The following DENND1C variants were observed in gnomAD, a reference collection of about 807,000 sequenced individuals.
The protein encoded by DENND1C is DENN domain containing 1C.
A neutral mutation model predicts 87.9 loss-of-function variants in DENND1C; 64 were observed. That is an observed-to-expected ratio of 0.73 (90% CI 0.60 to 0.90). DENND1C has a LOEUF of 0.90. Ranked by LOEUF, DENND1C falls within the 40% of genes least tolerant of loss-of-function variation. The pLI is 0.00. For missense variants in DENND1C, 980 were observed against 1,037.0 expected (o/e 0.95, Z 0.76); for synonymous variants, 384 against 424.4 (o/e 0.90, Z 1.17).
chr19:6,468,025 A>G lies in DENND1C; in HGVS notation c.1885T>C (p.Leu629=). 1 of 1,613,876 alleles carries G rather than the reference A, an allele frequency of 6.2e-7. No individual in the cohort carries two copies. The highest frequency in any genetic ancestry group is 1.7e-5 in the Admixed American group (1 of 60,006). The stretch of plus-strand genomic sequence containing the variant: ...TCCTTTGAAGAGCTGGTGGCATCCA[A>G]AGACGAGGCATTTTGCAGGGATGGC... The part of the protein sequence containing the change: ...SLPSLQNASS[L]DATSSSKDSR... Residue 629 remains leucine (L), a synonymous_variant, in exon 23 of 23, where the codon TTG becomes CTG. Transcript: ENST00000381480.
chr19:6,474,561 A>T (rs1224267408), intron 14 of DENND1C, among the ~76,000 whole-genome samples: 1 of 152,144 alleles, frequency 6.6e-6, no homozygotes, highest in East Asian at 1.9e-4. Context: ...ATGAGCATTA[A>T]ATGAGATAAT....
chr19:6,477,217 C>G lies in DENND1C; in HGVS notation c.513+1G>C, dbSNP rs1245448941. On this transcript the variant is annotated splice_donor_variant, in intron 8 of 22. Transcript: ENST00000381480. LOFTEE classifies it high-confidence loss of function. ...TTCCAGGGTCCCCGAGCCCCGCTCACCGGCTTGCTATTCCCCCGGGTAGGG... is the reference window on the plus strand; with the variant it reads ...TTCCAGGGTCCCCGAGCCCCGCTCAGCGGCTTGCTATTCCCCCGGGTAGGG... 8.2e-6 allele frequency: 13 copies of G among 1,587,240 alleles called. No individual in the cohort carries two copies. Among genetic ancestry groups the G allele is most frequent in the Non-Finnish European group, 8.6e-6 (10 of 1,167,032 alleles).
intron 14 of DENND1C, among the ~76,000 whole-genome samples, chr19:6,474,116 AC>A (rs1221631191): frequency 6.6e-6 from 1 of 151,274 alleles, no homozygotes; most frequent in East Asian, 1.9e-4. Context: ...AATTGCTTGA[AC>A]CCAGGAGGTG....
intron 15 of DENND1C, among the ~76,000 whole-genome samples, chr19:6,472,178 G>GC (rs1196365727): frequency 4.1e-5 from 5 of 120,524 alleles, no homozygotes; most frequent in Admixed American, 2.8e-4. Context: ...GTGCCACCCC[G>GC]CCCCCCCACC....
intron 14 of DENND1C, among the ~76,000 whole-genome samples, chr19:6,473,764 A>G (rs1361207836): frequency 8.7e-6 from 1 of 114,966 alleles, no homozygotes; most frequent in East Asian, 2.9e-4. Context: ...TGATTTAAGC[A>G]TTTATCTCGA....
intron 17 of DENND1C, 137 bp downstream of exon 17, chr19:6,471,128 T>G: frequency 8.2e-7 from 1 of 1,212,296 alleles, no homozygotes. Flanking sequence ...TTTTTTTCAG[T>G]AGAGATGGGG....
In DENND1C at chr19:6,469,602, C is replaced by T. The variant is rs776006623; in HGVS notation, c.1401G>A (p.Met467Ile). Residue 467 changes from methionine to isoleucine, a missense_variant, in exon 19 of 23, where the codon ATG becomes ATA. Met to Ile is a conservative substitution (Grantham distance 10). Transcript: ENST00000381480. ...SGLKGVQSLL[M>I]YKDGDSVLQR... The stretch of plus-strand genomic sequence containing the variant: ...CCCGGCCAGTTGATCTTACCTTATA[C>T]ATTAGAAGGCTCTGCACCCCCTTCA... 126 of 1,605,042 alleles carry T rather than the reference C, an allele frequency of 7.9e-5. No homozygotes were observed. The highest frequency in any genetic ancestry group is 1.0e-4 in the Non-Finnish European group (123 of 1,176,212).
chr19:6,479,801 C>G, intron 3 of DENND1C, 58 bp downstream of exon 3: 1 of 1,613,768 alleles, frequency 6.2e-7, no homozygotes, highest in South Asian at 1.1e-5. Flanking sequence ...GAAACCAAGT[C>G]CCCTCCCCCT....
In DENND1C at chr19:6,479,594, C is replaced by A. The variant is rs2092886336; in HGVS notation, c.176+75G>T. The A allele has an allele frequency of 2.1e-5, 34 of 1,585,628 alleles. 1 individual carries two copies. In the South Asian group the frequency reaches 3.8e-4, roughly 18 times the overall value. ...TGTATGGGTTTCCAGATGTCTGAGT[C>A]TCTAGGTGTTGAGTCCTTGGGGCCC... On this transcript the variant is annotated intron_variant, in intron 4 of 22. Transcript: ENST00000381480.
Position 6,471,260 on chromosome 19 carries a change from C to T in DENND1C, c.1290+5G>A, listed in dbSNP as rs370818415. The T allele has an allele frequency of 3.2e-6, 5 of 1,584,910 alleles. No individual in the cohort carries two copies. Among genetic ancestry groups the T allele is most frequent in the African/African-American group, 2.7e-5 (2 of 74,380 alleles). On this transcript the variant is annotated splice_donor_5th_base_variant and intron_variant, in intron 17 of 22. Transcript: ENST00000381480. ...GCCCACGGCCTATTGTTCTGGTGGT[C>T]TTACCTTTAGATTGTCGGCCCAGAG...
chr19:6,476,911 G>A lies in DENND1C; in HGVS notation c.624C>T (p.Phe208=), dbSNP rs750644992. The change falls in exon 10 of 23, where the codon TTC becomes TTT. Residue 208 remains phenylalanine, a synonymous_variant. Transcript: ENST00000381480. The stretch of plus-strand genomic sequence containing the variant: ...CTCTTCTCTCGGCCAGGAGCGCCGC[G>A]AACAGCCCCACGATGTTCTCGTCAG... ...AVTDENIVGL[F]AALLAERRVL... is the part of the protein sequence containing the mutation. The A allele has an allele frequency of 6.2e-7, 1 of 1,613,450 alleles. No individual in the cohort carries two copies. The highest frequency in any genetic ancestry group is 1.7e-5 in the Admixed American group (1 of 60,000).
intron 17 of DENND1C, among the ~76,000 whole-genome samples, chr19:6,470,709 C>A (rs1311128404): frequency 1.3e-5 from 2 of 149,072 alleles, no homozygotes; most frequent in African/African-American, 5.0e-5. Flanking sequence ...GCAACCTCCA[C>A]CTCCCTGGTT....
At chr19:6,479,740 G>C (rs1175387466) in intron 3 of DENND1C, 22 bp from the exon 4 acceptor site, 1 of 1,613,900 alleles carries the variant, frequency 6.2e-7, no homozygotes, top group South Asian at 1.1e-5. Context: ...GAAAAGCGCA[G>C]ACTGCTTGGC....
At chr19:6,481,540 G>C in intron 1 of DENND1C, 139 bp downstream of exon 1, 1 of 1,235,132 alleles carries the variant, frequency 8.1e-7, no homozygotes. Flanking sequence ...GGAGGCCCAT[G>C]GAGTATCTGA....
At position 6,477,451 on chromosome 19, in the gene DENND1C, T is replaced by G; in HGVS notation, c.374A>C (p.Glu125Ala). 6.3e-7 allele frequency: 1 copy of G among 1,598,864 alleles called. No individual in the cohort carries two copies. Among genetic ancestry groups the G allele is most frequent in the Non-Finnish European group, 8.5e-7 (1 of 1,172,858 alleles). ...GDLLAQDQVT[E>A]AEELLQNLFQ... ...CAGATTTTGAAGAAGTTCCTCTGCC[T>G]CGGTGACCTGGGTGGGACGTGGAGG... Residue 125 changes from glutamate (E) to alanine (A), a missense_variant, in exon 7 of 23, where the codon GAG becomes GCG. Physicochemically the swap from Glu to Ala is moderately radical, Grantham distance 107. Coordinates refer to ENST00000381480, the MANE Select transcript of DENND1C (RefSeq NM_024898.4).
In DENND1C at chr19:6,479,916, C is replaced by G. The variant is rs1165088492; in HGVS notation, c.83-14G>C. The G allele has an allele frequency of 6.3e-7, 1 of 1,599,176 alleles. No individual in the cohort carries two copies. The highest frequency in any genetic ancestry group is 2.3e-5 in the East Asian group (1 of 44,088). On this transcript the variant is annotated splice_polypyrimidine_tract_variant and intron_variant, in intron 2 of 22. Transcript: ENST00000381480. ...GGATGGGGGGATCTGTAGAAGAGAG[C>G]ACGCCTCTAAGTTCAGCGACCCAGG... is the stretch of plus-strand genomic sequence containing the variant.
chr19:6,469,923 C>T (rs754620273), intron 18 of DENND1C: 11 of 492,846 alleles, frequency 2.2e-5, no homozygotes, highest in Admixed American at 3.3e-5. Flanking sequence ...CAAAATCGCA[C>T]GGACAATTTT....
In DENND1C at chr19:6,475,896, G is replaced by A. The variant is rs748026247; in HGVS notation, c.720C>T (p.Pro240=). The A allele has an allele frequency of 3.1e-5, 48 of 1,566,912 alleles. No homozygotes were observed. Among genetic ancestry groups the A allele is most frequent in the South Asian group, 5.9e-5 (5 of 85,254 alleles). Residue 240 remains proline (P), a synonymous_variant, in exon 11 of 23, where the codon CCC becomes CCT. Coordinates refer to ENST00000381480, the MANE Select transcript of DENND1C (RefSeq NM_024898.4). ...CVHASCALLY[P]MRWEHVLIPT... ...GGATCAGCACGTGCTCCCAGCGCAT[G>A]GGGTACAGGAGCGCGCAGGACGCGT... is the stretch of plus-strand genomic sequence containing the variant.
Position 6,467,414 on chromosome 19 carries a change from C to T in DENND1C, c.*90G>A. On this transcript the variant is annotated 3_prime_UTR_variant, in exon 23 of 23. Transcript: ENST00000381480. Reference sequence around the variant, plus strand: ...GATGGATTTCCGAGCAGAGTGAGGGCACCAGAGAAATTCACCAGGAAAAAA... The same window carrying T: ...GATGGATTTCCGAGCAGAGTGAGGGTACCAGAGAAATTCACCAGGAAAAAA... 1 of 1,427,248 alleles carries T rather than the reference C, an allele frequency of 7.0e-7. No individual in the cohort carries two copies. The highest frequency in any genetic ancestry group is 9.2e-7 in the Non-Finnish European group (1 of 1,085,756). The allele number at this position is 1,427,248 out of a possible 1,614,324, so 88.4% of individuals were successfully genotyped here. A position where few individuals can be genotyped will look rare whatever the true frequency, so the allele number is the denominator to read the frequency against.
Sources: gnomAD v4.1 joint callset for allele counts (sites outside exome capture counted in the v4.1 genomes callset) on GRCh38, gnomAD v4.1.1 for gene constraint, MANE v1.5 for transcripts, NCBI Gene and HGNC (gene_info 2026-07-23, HGNC 2026-07-21) for gene names.